Variants in LRP5 observed in about 807,000 individuals in gnomAD.
The protein encoded by LRP5 is LDL receptor related protein 5.
LRP5 carries 62 observed loss-of-function variants against 154.1 expected under a neutral mutation model. That is an observed-to-expected ratio of 0.40 (90% confidence interval 0.33 to 0.50). LRP5 has a LOEUF of 0.50. Among genes scored for constraint, LRP5 ranks in the 20% least tolerant of loss-of-function variants. The pLI is 0.55. For synonymous variants in LRP5, 966 were observed against 1,011.5 expected (o/e 0.96, Z 0.85); for missense variants, 1,915 against 2,336.7 (o/e 0.82, Z 3.72).
At chr11:68,424,626 G>A (rs1267571560) in intron 14 of LRP5, among the ~76,000 whole-genome samples, 3 of 152,232 alleles carry the variant, frequency 2.0e-5, no homozygotes, top group Non-Finnish European at 2.9e-5. Context: ...GAGAGTAATG[G>A]ACACTTGTTC....
chr11:68,310,602 A>G (rs1422939403), upstream of LRP5, among the ~76,000 whole-genome samples: 2 of 152,164 alleles, frequency 1.3e-5, no homozygotes, highest in Non-Finnish European at 2.9e-5. Flanking sequence ...CCTGGGCAAC[A>G]GAGTGAGATC....
At chr11:68,434,482 C>A (rs1303702178) in intron 18 of LRP5, among the ~76,000 whole-genome samples, 1 of 152,136 alleles carries the variant, frequency 6.6e-6, no homozygotes, top group Admixed American at 6.5e-5. Context: ...AGGGTTCAAT[C>A]GATTCTCCTG....
At chr11:68,408,821 G>C (rs1463362331) in intron 9 of LRP5, among the ~76,000 whole-genome samples, 4 of 151,808 alleles carry the variant, frequency 2.6e-5, no homozygotes, top group Admixed American at 6.6e-5. Context: ...GGTGAGGCAG[G>C]AGGATCACTT....
At chr11:68,351,388 A>T (rs527312428) in intron 2 of LRP5, among the ~76,000 whole-genome samples, 24 of 152,268 alleles carry the variant, frequency 1.6e-4, no homozygotes, top group African/African-American at 5.5e-4. Context: ...CTGTGGCTCC[A>T]GGAGTCGCGG....
intron 4 of LRP5, 101 bp from the exon 5 acceptor site, chr11:68,365,467 CACA>C: frequency 6.5e-7 from 1 of 1,547,490 alleles, no homozygotes; most frequent in Admixed American, 1.7e-5. Context: ...GGCAGAGGGA[CACA>C]CTGGAGGCTG....
At chr11:68,383,957 A>G (rs2098641604) in intron 5 of LRP5, among the ~76,000 whole-genome samples, 1 of 152,218 alleles carries the variant, frequency 6.6e-6, no homozygotes, top group Admixed American at 6.5e-5. Flanking sequence ...AATACACACC[A>G]AATCAGATGC....
At chr11:68,347,080 G>T (rs578240296) in intron 1 of LRP5, among the ~76,000 whole-genome samples, 1 of 152,212 alleles carries the variant, frequency 6.6e-6, no homozygotes, top group Non-Finnish European at 1.5e-5. Context: ...TGCTTGGGGT[G>T]GGGTGGTGGA....
Position 68,438,657 on chromosome 11 carries a change from C to T in LRP5, c.4323C>T (p.Gly1441=), listed in dbSNP as rs754632907. The change falls in exon 20 of 23, where the codon GGC becomes GGT. Residue 1441 remains glycine (G), a synonymous_variant. Coordinates refer to ENST00000294304, the MANE Select transcript of LRP5 (RefSeq NM_002335.4). The stretch of plus-strand genomic sequence containing the variant: ...TGCCCCTCAATTTCATAGCCCCGGG[C>T]GGTTCCCAGCATGGCCCCTTCACAG... ...PHVPLNFIAP[G]GSQHGPFTGI... is the part of the protein sequence containing the mutation. 2.9e-5 allele frequency: 46 copies of T among 1,612,904 alleles called. No homozygotes were observed. Among genetic ancestry groups the T allele is most frequent in the Admixed American group, 3.3e-5 (2 of 59,964 alleles).
intron 15 of LRP5, 135 bp downstream of exon 15, chr11:68,425,427 C>A: frequency 1.1e-6 from 1 of 905,860 alleles, no homozygotes; most frequent in Non-Finnish European, 1.7e-6. Flanking sequence ...CGTGTTTTGT[C>A]CTCACACTGA....
chr11:68,393,588 C>T (rs918810695), intron 7 of LRP5, among the ~76,000 whole-genome samples: 8 of 152,130 alleles, frequency 5.3e-5, no homozygotes, highest in Non-Finnish European at 1.2e-4. Flanking sequence ...CGAGACGAGC[C>T]TGGCCAACAT....
chr11:68,429,599 A>G lies in LRP5; in HGVS notation c.3662A>G (p.Asn1221Ser). Residue 1221 changes from asparagine (N) to serine (S), a missense_variant, in exon 17 of 23, where the codon AAT becomes AGT. Physicochemically the swap from Asn to Ser is conservative, Grantham distance 46. This residue lies in a region of LRP5 where 1,094 missense variants were observed against 1,210.1 expected (regional missense o/e 0.90). Transcript: ENST00000294304. The part of the protein sequence containing the change: ...EFSAHPCARD[N>S]GGCSHICIAK... ...GCAGCCCACCCATGTGCCCGTGACAATGGTGGCTGCTCCCACATCTGTATT... is the reference window on the plus strand; with the variant it reads ...GCAGCCCACCCATGTGCCCGTGACAGTGGTGGCTGCTCCCACATCTGTATT... The G allele has an allele frequency of 6.2e-7, 1 of 1,614,154 alleles. No individual in the cohort carries two copies. Among genetic ancestry groups the G allele is most frequent in the Non-Finnish European group, 8.5e-7 (1 of 1,180,042 alleles).
In LRP5 at chr11:68,348,581, G is replaced by A. The variant is rs1034786090; in HGVS notation, c.488+338G>A. On this transcript the variant is annotated intron_variant, in intron 2 of 22. Coordinates refer to ENST00000294304, the MANE Select transcript of LRP5 (RefSeq NM_002335.4). Reference sequence around the variant, plus strand: ...GTTCAGGCCTGTAACCCCAGCACTCGGTGTCACTCTTAAAATGAACCCGTG... The same window carrying A: ...GTTCAGGCCTGTAACCCCAGCACTCAGTGTCACTCTTAAAATGAACCCGTG... Among the ~76,000 whole-genome samples the A allele has an allele frequency of 5.0e-4, 71 of 141,714 alleles. 1 individual carries two copies. Among genetic ancestry groups the A allele is most frequent in the East Asian group, 2.0e-4 (1 of 4,916 alleles). The allele number at this position is 141,714 out of a possible 152,430, so 93.0% of individuals were successfully genotyped here.
At chr11:68,400,580 T>TAAAA (rs2098652091) in intron 7 of LRP5, among the ~76,000 whole-genome samples, 1 of 150,588 alleles carries the variant, frequency 6.6e-6, no homozygotes, top group Non-Finnish European at 1.5e-5. Context: ...AATAAATAAA[T>TAAAA]AAATACAAAA....
At chr11:68,371,077 C>T (rs1272455412) in intron 5 of LRP5, among the ~76,000 whole-genome samples, 2 of 152,168 alleles carry the variant, frequency 1.3e-5, no homozygotes, top group Non-Finnish European at 2.9e-5. Context: ...GGTGTGGATG[C>T]TGGCTCCTCC....
At chr11:68,418,991 G>A (rs1013028592) in intron 13 of LRP5, among the ~76,000 whole-genome samples, 5 of 152,116 alleles carry the variant, frequency 3.3e-5, no homozygotes, top group African/African-American at 1.2e-4. Context: ...AAACCCAGAA[G>A]GTTTTCCACT....
At chr11:68,299,714 C>T in the LRP5 span, among the ~76,000 whole-genome samples, 1 of 150,522 alleles carries the variant, frequency 6.6e-6, no homozygotes, top group East Asian at 1.9e-4. Flanking sequence ...TCCTGAGTAG[C>T]TGGGATTACA....
chr11:68,373,514 T>C (rs2098635568), intron 5 of LRP5, among the ~76,000 whole-genome samples: 1 of 151,982 alleles, frequency 6.6e-6, no homozygotes, highest in Non-Finnish European at 1.5e-5. Context: ...GTGACCCCCA[T>C]GAGACAGGGC....
At chr11:68,361,202 G>C (rs2098627836) in intron 3 of LRP5, among the ~76,000 whole-genome samples, 1 of 149,308 alleles carries the variant, frequency 6.7e-6, no homozygotes, top group Admixed American at 6.7e-5. Context: ...CTACTCGGGA[G>C]GCTGAGGCAG....
intron 6 of LRP5, among the ~76,000 whole-genome samples, chr11:68,389,571 C>T (rs1420586712): frequency 6.6e-6 from 1 of 152,170 alleles, no homozygotes; most frequent in Non-Finnish European, 1.5e-5. Context: ...CGTTTACCGA[C>T]GCCAGCATCT....
Sources: allele counts gnomAD v4.1 joint callset (sites outside exome capture counted in the v4.1 genomes callset), GRCh38; gene constraint gnomAD v4.1.1; regional missense constraint gnomAD v4.1.1; transcripts MANE v1.5; gene names NCBI Gene and HGNC (gene_info 2026-07-23, HGNC 2026-07-21).